ZFAT: variants seen among roughly 807,000 people sequenced by gnomAD.
The protein encoded by ZFAT is zinc finger protein ZFAT.
In ZFAT, 64 loss-of-function variants were observed where a neutral mutation model predicts 117.7. The observed-to-expected ratio is 0.54, with a 90% CI of 0.44 to 0.67. The LOEUF (loss-of-function observed/expected upper bound fraction) is 0.67, where lower values mean the gene tolerates loss of function less well. Among genes scored for constraint, ZFAT ranks in the 30% least tolerant of loss-of-function variants. ZFAT has a pLI of 0.00. For synonymous variants in ZFAT, 679 were observed against 615.0 expected (o/e 1.10, Z -1.54); for missense variants, 1,433 against 1,584.5 (o/e 0.90, Z 1.62).
chr8:134,824,419 G>C, the ZFAT span, among the ~76,000 whole-genome samples: 1 of 152,154 alleles, frequency 6.6e-6, no homozygotes, highest in Non-Finnish European at 1.5e-5. Flanking sequence ...TAACAATAGA[G>C]GCTATCGTAT....
chr8:134,541,518 G>A (rs547046560), intron 11 of ZFAT, among the ~76,000 whole-genome samples: 82 of 152,178 alleles, frequency 5.4e-4, no homozygotes, highest in African/African-American at 2.0e-3. Context: ...AAATTACCCA[G>A]TTTCAAGTAT....
At chr8:134,570,129 C>T (rs997183997) in intron 10 of ZFAT, among the ~76,000 whole-genome samples, 1 of 152,138 alleles carries the variant, frequency 6.6e-6, no homozygotes, top group African/African-American at 2.4e-5. Context: ...GGCCTCTGCA[C>T]CTGCTGTTCC....
At chr8:134,506,335 C>T (rs1403185899) in intron 15 of ZFAT, among the ~76,000 whole-genome samples, 4 of 152,162 alleles carry the variant, frequency 2.6e-5, no homozygotes, top group Admixed American at 6.5e-5. Flanking sequence ...GAGTGGGGCA[C>T]GCAAGCATGA....
chr8:134,519,443 TGCATATATTA>T (rs888549361), intron 13 of ZFAT, among the ~76,000 whole-genome samples: 1 of 152,248 alleles, frequency 6.6e-6, no homozygotes, highest in Non-Finnish European at 1.5e-5. Context: ...TATATATGTG[TGCATATATTA>T]GCATATACAT....
At chr8:134,697,913 G>C (rs1394020155) in intron 1 of ZFAT, among the ~76,000 whole-genome samples, 2 of 151,402 alleles carry the variant, frequency 1.3e-5, no homozygotes, top group Non-Finnish European at 2.9e-5. Context: ...TCAGTGCTGA[G>C]CAACAGACCC....
chr8:134,801,715 T>C, the ZFAT span, among the ~76,000 whole-genome samples: 6 of 152,284 alleles, frequency 3.9e-5, no homozygotes, highest in African/African-American at 1.4e-4. Flanking sequence ...ATTAATATAC[T>C]TTTTCTCTGG....
chr8:134,771,080 C>G, the ZFAT span, among the ~76,000 whole-genome samples: 1 of 152,172 alleles, frequency 6.6e-6, no homozygotes, highest in African/African-American at 2.4e-5. Flanking sequence ...ATTCTAATAC[C>G]CTGTTAAGTA....
intron 1 of ZFAT, among the ~76,000 whole-genome samples, chr8:134,689,094 G>A (rs546412446): frequency 1.8e-4 from 28 of 152,308 alleles, no homozygotes; most frequent in African/African-American, 4.1e-4. Context: ...GAACTGGGAA[G>A]AGGGGCCTAA....
At chr8:134,598,021 CACA>C (rs1212349487) in intron 7 of ZFAT, 3 of 152,342 alleles carry the variant, frequency 2.0e-5, no homozygotes, top group Non-Finnish European at 4.4e-5. Flanking sequence ...GCCCTCACGG[CACA>C]ACATCTGCCT....
chr8:134,681,309 A>G (rs1013191701), intron 1 of ZFAT, among the ~76,000 whole-genome samples: 7 of 152,102 alleles, frequency 4.6e-5, no homozygotes, highest in African/African-American at 1.7e-4. Context: ...TACCCTCTAC[A>G]CCAGCTGGTG....
chr8:134,809,197 C>A, the ZFAT span, among the ~76,000 whole-genome samples: 1 of 152,196 alleles, frequency 6.6e-6, no homozygotes, highest in South Asian at 2.1e-4. Flanking sequence ...ACTCTCCTAA[C>A]CAGCAGCGTC....
rs1246647183 is a variant in ZFAT at position 134,627,377 on chromosome 8, T to A, written c.448+10084A>T. The stretch of plus-strand genomic sequence containing the variant: ...GACAAAAGGAGGAATTCGAGATGGC[T>A]CCAAGGTTTCCAATTCAAATGGCTG... On this transcript the variant is annotated intron_variant, in intron 3 of 15. Transcript: ENST00000377838. Among the ~76,000 whole-genome samples the A allele has an allele frequency of 3.9e-5, 6 of 152,160 alleles. No homozygotes were observed. In the East Asian group the frequency reaches 1.2e-3, roughly 29 times the overall value.
At chr8:134,697,285 T>C (rs1586967432) in intron 1 of ZFAT, among the ~76,000 whole-genome samples, 1 of 151,938 alleles carries the variant, frequency 6.6e-6, no homozygotes, top group Non-Finnish European at 1.5e-5. Flanking sequence ...AGCTAATTTT[T>C]GTATTTTTAG....
intron 11 of ZFAT, chr8:134,564,948 G>A (rs773530111): frequency 3.0e-5 from 37 of 1,213,736 alleles, no homozygotes; most frequent in Middle Eastern, 2.3e-4. Context: ...ACTGCTTGCC[G>A]GGTGGGCTTC....
chr8:134,514,798 A>G (rs949258120), intron 13 of ZFAT, among the ~76,000 whole-genome samples: 9 of 152,220 alleles, frequency 5.9e-5, no homozygotes, highest in African/African-American at 2.2e-4. Context: ...GCAATTATCA[A>G]TCATGGCAAG....
intron 10 of ZFAT, among the ~76,000 whole-genome samples, chr8:134,574,039 C>T (rs1261447529): frequency 6.6e-6 from 1 of 152,202 alleles, no homozygotes; most frequent in Non-Finnish European, 1.5e-5. Flanking sequence ...AACAGGAATA[C>T]TTGTTATCCT....
rs867955337 is a variant in ZFAT at position 134,657,570 on chromosome 8, T to G, written c.187A>C (p.Thr63Pro). 6.2e-6 allele frequency: 10 copies of G among 1,607,822 alleles called. No homozygotes were observed. The Middle Eastern group carries it at 1.0e-3, about 160-fold the overall frequency. ...CCCCCAGCCCCCTTACCATCTCCGG[T>G]TTTGCTTGAGTTGGGGGGTTCAGGT... ...STPEPPNSSK[T>P]GDEFLVMKRK... is the part of the protein sequence containing the mutation. Residue 63 changes from threonine (T) to proline (P), a missense_variant, in exon 2 of 16, where the codon ACC (threonine) becomes CCC (proline). By Grantham distance (38) the Thr-to-Pro change is conservative. Transcript: ENST00000377838.
At position 134,512,555 on chromosome 8, in the gene ZFAT, A is replaced by T; in HGVS notation, c.3281T>A (p.Ile1094Asn). 1 of 1,613,972 alleles carries T rather than the reference A, an allele frequency of 6.2e-7. No homozygotes were observed. ...TTGAACGTCTTCTTCGGCCTCTGTGATGTGGAGATACTGGGTGGAGGGCTC... is the reference window on the plus strand; with the variant it reads ...TTGAACGTCTTCTTCGGCCTCTGTGTTGTGGAGATACTGGGTGGAGGGCTC... ...PEEPSTQYLH[I>N]TEAEEDVQGT... The change falls in exon 14 of 16, where the codon ATC (isoleucine) becomes AAC (asparagine). Residue 1094 changes from isoleucine (I) to asparagine (N), a missense_variant. By Grantham distance (149) the Ile-to-Asn change is moderately radical. This residue lies in a region of ZFAT where 503 missense variants were observed against 543.4 expected (regional missense o/e 0.93). Coordinates refer to ENST00000377838, the MANE Select transcript of ZFAT (RefSeq NM_020863.4).
At chr8:134,666,347 T>G (rs955363071) in intron 1 of ZFAT, among the ~76,000 whole-genome samples, 1 of 152,158 alleles carries the variant, frequency 6.6e-6, no homozygotes, top group Non-Finnish European at 1.5e-5. Flanking sequence ...AACCGAAGAT[T>G]TAAATGAGAT....
Sources: gnomAD v4.1 joint callset for allele counts (sites outside exome capture counted in the v4.1 genomes callset) on GRCh38, gnomAD v4.1.1 for gene constraint, gnomAD v4.1.1 regional missense constraint, MANE v1.5 for transcripts, NCBI Gene and HGNC (gene_info 2026-07-23, HGNC 2026-07-21) for gene names.